TMEM221: variants seen among roughly 807,000 people sequenced by gnomAD.
The protein encoded by TMEM221 is transmembrane protein 221.
In TMEM221, 11 loss-of-function variants were observed where a neutral mutation model predicts 10.2. The observed-to-expected ratio is 1.08, with a 90% CI of 0.68 to 1.79. The LOEUF (loss-of-function observed/expected upper bound fraction) is 1.79. Ranked by LOEUF, TMEM221 falls within the 40% of genes most tolerant of loss-of-function variation. The pLI is 0.00. For synonymous variants in TMEM221, 172 were observed against 199.8 expected, an observed-to-expected ratio of 0.86 and a Z score of 1.18; for missense variants, 382 against 417.7, an observed-to-expected ratio of 0.91 and a Z score of 0.75.
intron 1 of TMEM221, among the ~76,000 whole-genome samples, chr19:17,445,502 C>T (rs1020930969): frequency 2.0e-5 from 3 of 152,176 alleles, no homozygotes; most frequent in Non-Finnish European, 4.4e-5. Context: ...ATTCATCCAT[C>T]AGCTCATGTA....
chr19:17,440,791 G>A (rs2074928956), intron 2 of TMEM221, among the ~76,000 whole-genome samples: 1 of 152,188 alleles, frequency 6.6e-6, no homozygotes, highest in Admixed American at 6.6e-5. Context: ...GAGGGTCAAG[G>A]TGGAGGAGCC....
Position 17,436,668 on chromosome 19 carries a change from G to A in TMEM221, c.666C>T (p.Thr222=). 1.3e-6 allele frequency: 2 copies of A among 1,535,546 alleles called. No individual in the cohort carries two copies. Among genetic ancestry groups the A allele is most frequent in the Non-Finnish European group, 1.7e-6 (2 of 1,146,496 alleles). The change falls in exon 3 of 3, where the codon ACC becomes ACT. Residue 222 remains threonine (T), a synonymous_variant. Transcript: ENST00000341130. ...CAAAGGGGTCCCCAGGCTCTGGACA[G>A]GTTGAATAGGGGGTCCGACGATGGA... ...QGIHRRTPYS[T]CPEPGDPFGS...
intron 1 of TMEM221, among the ~76,000 whole-genome samples, chr19:17,447,702 A>C (rs2074958123): frequency 6.6e-6 from 1 of 152,146 alleles, no homozygotes; most frequent in Admixed American, 6.5e-5. Context: ...TCCCTGACTG[A>C]GTTCAGGTCC....
intron 2 of TMEM221, among the ~76,000 whole-genome samples, chr19:17,440,418 G>A (rs1027017421): frequency 1.3e-5 from 2 of 151,942 alleles, no homozygotes; most frequent in Admixed American, 1.3e-4. Context: ...GTAGAGATGG[G>A]GTTTCACCTT....
chr19:17,438,962 C>T (rs554973391), intron 2 of TMEM221, among the ~76,000 whole-genome samples: 75 of 148,894 alleles, frequency 5.0e-4, no homozygotes, highest in Non-Finnish European at 2.7e-4. Context: ...AATCCCAGCA[C>T]TTTGGGAGGC....
chr19:17,441,285 A>T (rs1433803171), intron 2 of TMEM221, among the ~76,000 whole-genome samples: 1 of 151,522 alleles, frequency 6.6e-6, no homozygotes, highest in Non-Finnish European at 1.5e-5. Flanking sequence ...TCCAGCATAC[A>T]GTTGGCACCA....
intron 2 of TMEM221, among the ~76,000 whole-genome samples, chr19:17,437,760 G>A (rs2074915241): frequency 6.6e-6 from 1 of 151,960 alleles, no homozygotes; most frequent in Non-Finnish European, 1.5e-5. Flanking sequence ...AAAATGGGTT[G>A]TGTAGCTGGA....
intron 2 of TMEM221, 69 bp from the exon 3 acceptor site, chr19:17,436,996 T>C: frequency 1.6e-6 from 2 of 1,224,078 alleles, no homozygotes; most frequent in Non-Finnish European, 2.1e-6. Flanking sequence ...CAGGGAGTTC[T>C]TGCACACAGG....
intron 2 of TMEM221, among the ~76,000 whole-genome samples, chr19:17,437,597 G>A (rs964151150): frequency 2.1e-4 from 32 of 152,234 alleles, no homozygotes; most frequent in Middle Eastern, 3.4e-3. Context: ...GCATCGTGGC[G>A]GGCGCCTGTA....
chr19:17,447,652 C>T (rs1331862014), intron 1 of TMEM221, among the ~76,000 whole-genome samples: 1 of 152,180 alleles, frequency 6.6e-6, no homozygotes, highest in African/African-American at 2.4e-5. Context: ...TTCCTCCTTC[C>T]ACAACCACTG....
At chr19:17,440,164 G>A (rs1258103011) in intron 2 of TMEM221, among the ~76,000 whole-genome samples, 1 of 151,834 alleles carries the variant, frequency 6.6e-6, no homozygotes, top group African/African-American at 2.4e-5. Flanking sequence ...TCCAGCCTGG[G>A]TGACACAGCG....
chr19:17,438,563 A>G (rs1373315104), intron 2 of TMEM221, among the ~76,000 whole-genome samples: 1 of 144,168 alleles, frequency 6.9e-6, no homozygotes, highest in Non-Finnish European at 1.5e-5. Context: ...GGGATTTTGG[A>G]GCTGGGGAGG....
rs767907817 is a variant in TMEM221, at chr19:17,448,141, A to C, written c.320+2T>G. 3.0e-5 allele frequency: 41 copies of C among 1,387,826 alleles called. No individual in the cohort carries two copies. The highest frequency in any genetic ancestry group is 3.7e-5 in the Non-Finnish European group (40 of 1,076,584). The allele number at this position is 1,387,826 out of a possible 1,614,324, so 86.0% of individuals were successfully genotyped here. A position where few individuals can be genotyped will look rare whatever the true frequency, so the allele number is the denominator to read the frequency against. ...CCGAGGCGGTGAGGCCAGTCCTCCT[A>C]CCTCCTGGGGCCAGGCCCCCGCGCC... is the stretch of plus-strand genomic sequence containing the variant. On this transcript the variant is annotated splice_donor_variant, in intron 1 of 2. Transcript: ENST00000341130. LOFTEE classifies it high-confidence loss of function. This position sits in a 1 kb window ranked among gnomAD's most constrained non-coding sequence, Gnocchi z 4.7.
In TMEM221 at chr19:17,438,068, T is replaced by C. The variant is rs575695420; in HGVS notation, c.407-1141A>G. Among the ~76,000 whole-genome samples, 27 of 148,634 alleles carry C rather than the reference T, an allele frequency of 1.8e-4. No homozygotes were observed. The East Asian group carries it at 5.1e-3, about 28-fold the overall frequency. ...CTGAGTAGGTGGGACTACAGGTGCA[T>C]GCCACCATGCCTGGCTAATTTTTTT... On this transcript the variant is annotated intron_variant, in intron 2 of 2. Transcript: ENST00000341130.
At chr19:17,447,414 T>C (rs985346393) in intron 1 of TMEM221, among the ~76,000 whole-genome samples, 4 of 152,066 alleles carry the variant, frequency 2.6e-5, no homozygotes, top group South Asian at 4.1e-4. Flanking sequence ...CCAGATCCAT[T>C]CCCCTGCAGG....
At chr19:17,439,099 C>T (rs565126404) in intron 2 of TMEM221, among the ~76,000 whole-genome samples, 2 of 151,230 alleles carry the variant, frequency 1.3e-5, no homozygotes, top group South Asian at 4.2e-4. Flanking sequence ...CCCAGCTATT[C>T]AGGAGGCTGA....
At chr19:17,437,183 A>T (rs2074913061) in intron 2 of TMEM221, among the ~76,000 whole-genome samples, 1 of 152,194 alleles carries the variant, frequency 6.6e-6, no homozygotes, top group Non-Finnish European at 1.5e-5. Flanking sequence ...GTGGGATTTT[A>T]ACCCAGGCTG....
At position 17,445,335 on chromosome 19, in the gene TMEM221, G is replaced by C. The variant is rs868849640; in HGVS notation, c.321-51C>G. ...AAAGGGTTCAGGAAGTGGAGCTGGT[G>C]GGGGGAGGTCAGTGAGGACAGGGAG... On this transcript the variant is annotated intron_variant, in intron 1 of 2. Coordinates refer to ENST00000341130, the MANE Select transcript of TMEM221 (RefSeq NM_001190844.2). 16 of 1,459,220 alleles carry C rather than the reference G, an allele frequency of 1.1e-5. 1 individual carries two copies. In the East Asian group the frequency reaches 1.7e-4, roughly 16 times the overall value. 90.4% of individuals were successfully genotyped at this position (1,459,220 alleles called of 1,614,324 possible). A position where few individuals can be genotyped will look rare whatever the true frequency, so the allele number is the denominator to read the frequency against.
In TMEM221 at chr19:17,448,202, C is replaced by T; in HGVS notation, c.261G>A (p.Leu87=). ...CCAGGTGGCCACAGAGCGCGGCGAG[C>T]AGCAAGCAGGTGAACCCCAGCACGA... The part of the protein sequence containing the change: ...LVLVLGFTCL[L]LAALCGHLGA... The change falls in exon 1 of 3, where the codon CTG becomes CTA. Residue 87 remains leucine (L), a synonymous_variant. Coordinates refer to ENST00000341130, the MANE Select transcript of TMEM221 (RefSeq NM_001190844.2). This position sits in a 1 kb window ranked among gnomAD's most constrained non-coding sequence, Gnocchi z 4.7. 7.0e-7 allele frequency: 1 copy of T among 1,434,656 alleles called. No individual in the cohort carries two copies. Among genetic ancestry groups the T allele is most frequent in the Non-Finnish European group, 9.1e-7 (1 of 1,096,660 alleles). 88.9% of individuals were successfully genotyped at this position (1,434,656 alleles called of 1,614,324 possible). A position where few individuals can be genotyped will look rare whatever the true frequency, so the allele number is the denominator to read the frequency against.
Sources: allele counts gnomAD v4.1 joint callset (sites outside exome capture counted in the v4.1 genomes callset), GRCh38; gene constraint gnomAD v4.1.1; non-coding constraint Gnocchi (gnomAD v3.1); transcripts MANE v1.5; gene names NCBI Gene and HGNC (gene_info 2026-07-23, HGNC 2026-07-21).